SRR: variants seen among roughly 807,000 people sequenced by gnomAD.
SRR encodes the protein serine racemase, also known as D-serine ammonia-lyase.
SRR carries 19 observed loss-of-function variants against 32.7 expected under a neutral mutation model. That is an observed-to-expected ratio of 0.58 (90% CI 0.40 to 0.85). SRR has a LOEUF of 0.85. SRR is among the 40% of genes least tolerant of loss of function. The pLI is 0.00. For synonymous variants in SRR, 142 were observed against 140.9 expected, an observed-to-expected ratio of 1.01 and a Z score of -0.06; for missense variants, 373 against 404.7, an observed-to-expected ratio of 0.92 and a Z score of 0.67.
chr17:2,308,736 A>T (rs1189571175), intron 1 of SRR, among the ~76,000 whole-genome samples: 1 of 151,764 alleles, frequency 6.6e-6, no homozygotes, highest in African/African-American at 2.4e-5. Context: ...TAGGAGAATC[A>T]CTTGAACCCA....
chr17:2,303,487 C>T, upstream of SRR: 3 of 1,328,838 alleles, frequency 2.3e-6, no homozygotes, highest in Non-Finnish European at 2.9e-6. Context: ...GGTAGGGCAG[C>T]GAGGGTCCGC....
In SRR at chr17:2,311,980, C is replaced by T. The variant is rs144363045; in HGVS notation, c.-4-3577C>T. 2.8e-3 allele frequency among the ~76,000 whole-genome samples: 426 copies of T among 151,970 alleles called. 1 individual carries two copies. Among genetic ancestry groups the T allele is most frequent in the African/African-American group, 6.8e-3 (281 of 41,448 alleles). On this transcript the variant is annotated intron_variant, in intron 1 of 7. Coordinates refer to ENST00000344595, the MANE Select transcript of SRR (RefSeq NM_021947.3). ...ATCCCAGCACTTTGGAAGGCCAAGGCGGAAGGATCACTTGAGCTCAGGGGT... is the reference window on the plus strand; with the variant it reads ...ATCCCAGCACTTTGGAAGGCCAAGGTGGAAGGATCACTTGAGCTCAGGGGT...
At chr17:2,309,523 A>C (rs567165515) in intron 1 of SRR, among the ~76,000 whole-genome samples, 40 of 152,314 alleles carry the variant, frequency 2.6e-4, no homozygotes, top group African/African-American at 9.1e-4. Context: ...CACTGTCATT[A>C]ACAAGCCCTT....
In SRR at chr17:2,318,818, T is replaced by C. The variant is rs778577341; in HGVS notation, c.296-8T>C. 6 of 1,607,964 alleles carry C rather than the reference T, an allele frequency of 3.7e-6. No homozygotes were observed. The highest frequency in any genetic ancestry group is 5.1e-6 in the Non-Finnish European group (6 of 1,174,964). On this transcript the variant is annotated splice_region_variant and splice_polypyrimidine_tract_variant and intron_variant, in intron 3 of 7. Transcript: ENST00000344595. ...TCCTGACTTTTTCCTCTCGTTTTCCTCTCCCAGGAATTCCTGCTTATATTG... is the reference window on the plus strand; with the variant it reads ...TCCTGACTTTTTCCTCTCGTTTTCCCCTCCCAGGAATTCCTGCTTATATTG...
Position 2,323,259 on chromosome 17 carries a change from G to A in SRR, c.718G>A (p.Val240Ile). The A allele has an allele frequency of 1.9e-6, 3 of 1,614,196 alleles. No homozygotes were observed. The highest frequency in any genetic ancestry group is 1.7e-6 in the Non-Finnish European group (2 of 1,180,026). The change falls in exon 7 of 8, where the codon GTC becomes ATC. Residue 240 changes from valine to isoleucine, a missense_variant. Physicochemically the swap from Val to Ile is conservative, Grantham distance 29 (BLOSUM62 3). Coordinates refer to ENST00000344595, the MANE Select transcript of SRR (RefSeq NM_021947.3). ...TCCTCCAGAAACCATAGCAGATGGTGTCAAATCCAGCATTGGCTTGAACAC... is the reference window on the plus strand; with the variant it reads ...TCCTCCAGAAACCATAGCAGATGGTATCAAATCCAGCATTGGCTTGAACAC... ...LYPPETIADGVKSSIGLNTWP... is the reference protein window; with the variant it reads ...LYPPETIADGIKSSIGLNTWP...
chr17:2,314,750 T>C (rs574307067), intron 1 of SRR, among the ~76,000 whole-genome samples: 1 of 148,012 alleles, frequency 6.8e-6, no homozygotes, highest in African/African-American at 2.5e-5. Context: ...TGAAACACCA[T>C]CTCAAAAAAC....
Position 2,315,500 on chromosome 17 carries a change from C to T in SRR, c.-4-57C>T, listed in dbSNP as rs1388227122. On this transcript the variant is annotated intron_variant, in intron 1 of 7. Transcript: ENST00000344595. The stretch of plus-strand genomic sequence containing the variant: ...CTGTTACGTATTTTCAAAATCTCTT[C>T]AATAAACATACTGTCTCAGACTTTG... The T allele has an allele frequency of 1.4e-5, 21 of 1,518,830 alleles. No individual in the cohort carries two copies. The East Asian group carries it at 4.9e-4, about 35-fold the overall frequency. The allele number at this position is 1,518,830 out of a possible 1,614,324, so 94.1% of individuals were successfully genotyped here. A position where few individuals can be genotyped will look rare whatever the true frequency, so the allele number is the denominator to read the frequency against.
chr17:2,321,543 T>C lies in SRR; in HGVS notation c.521T>C (p.Val174Ala), dbSNP rs1166535156. Residue 174 changes from valine to alanine, a missense_variant and splice_region_variant, in exon 6 of 8, where the codon GTT (valine) becomes GCT (alanine). Transcript: ENST00000344595. ...GTIALEVLNQ[V>A]PLVDALVVPV... is the part of the protein sequence containing the mutation. ...TTACAGTTTATATTTTCACTAAAGGTTCCTTTGGTGGATGCACTGGTGGTA... is the reference window on the plus strand; with the variant it reads ...TTACAGTTTATATTTTCACTAAAGGCTCCTTTGGTGGATGCACTGGTGGTA... 1 of 1,613,852 alleles carries C rather than the reference T, an allele frequency of 6.2e-7. No individual in the cohort carries two copies.
At chr17:2,320,739 T>C (rs776878761) in intron 4 of SRR, among the ~76,000 whole-genome samples, 3 of 152,072 alleles carry the variant, frequency 2.0e-5, no homozygotes, top group Admixed American at 6.6e-5. Flanking sequence ...TTTTTGTATT[T>C]TTAGTAGAGA....
rs988278703 is a variant in SRR at position 2,323,089 on chromosome 17, C to G, written c.595-47C>G. ...CCATATTTTCTTTTAGACATGCAGG[C>G]AATGTTGTGGTTTGTTGTTAAGATG... On this transcript the variant is annotated intron_variant, in intron 6 of 7. Coordinates refer to ENST00000344595, the MANE Select transcript of SRR (RefSeq NM_021947.3). 4 of 1,576,924 alleles carry G rather than the reference C, an allele frequency of 2.5e-6. No individual in the cohort carries two copies. In the African/African-American group the frequency reaches 5.4e-5, roughly 21 times the overall value.
upstream of SRR, chr17:2,303,413 G>A (rs536391595): frequency 3.2e-6 from 4 of 1,256,484 alleles, no homozygotes; most frequent in East Asian, 9.5e-5. Context: ...CAGGAATTCG[G>A]GCCAGGCTCT....
chr17:2,324,653 A>C lies in SRR; in HGVS notation c.*780A>C. The C allele has an allele frequency of 4.3e-6, 7 of 1,614,054 alleles. No homozygotes were observed. The highest frequency in any genetic ancestry group is 5.9e-6 in the Non-Finnish European group (7 of 1,180,012). On this transcript the variant is annotated 3_prime_UTR_variant, in exon 8 of 8. Transcript: ENST00000344595. ...TGTAAACCCAACCTTTATACCACAA[A>C]GGCAATCAGATCCCATCCTCCTCCT... is the stretch of plus-strand genomic sequence containing the variant.
intron 2 of SRR, among the ~76,000 whole-genome samples, chr17:2,317,312 C>A (rs768475019): frequency 6.7e-6 from 1 of 149,996 alleles, no homozygotes; most frequent in African/African-American, 2.5e-5. Context: ...AAGATCGAGA[C>A]CATCCTGGCT....
Position 2,324,386 on chromosome 17 carries a change from T to C in SRR, c.*513T>C. 6.3e-7 allele frequency: 1 copy of C among 1,583,144 alleles called. No individual in the cohort carries two copies. Among genetic ancestry groups the C allele is most frequent in the Non-Finnish European group, 8.6e-7 (1 of 1,166,592 alleles). ...GTGGCCATGGGTACCTAGAAAGACA[T>C]CAGAACAAGTCGGTCAAATTAAAAG... On this transcript the variant is annotated 3_prime_UTR_variant, in exon 8 of 8. Transcript: ENST00000344595.
intron 2 of SRR, 21 bp downstream of exon 2, chr17:2,315,749 T>C (rs2075468297): frequency 6.2e-6 from 10 of 1,606,846 alleles, no homozygotes; most frequent in Non-Finnish European, 7.7e-6. Flanking sequence ...TTTTTCTCAG[T>C]GTATCATGTA....
intron 1 of SRR, among the ~76,000 whole-genome samples, chr17:2,304,740 A>G (rs977247769): frequency 6.6e-6 from 1 of 151,604 alleles, no homozygotes; most frequent in Non-Finnish European, 1.5e-5. Context: ...GGGAGTCTCC[A>G]ACAGAGCGAG....
chr17:2,325,126 C>T lies in SRR; in HGVS notation c.*1253C>T, dbSNP rs990330854. ...TGAGGACTGGCTATACACTGTTTCACGTAAAAGTTGGAGTTTTCATTGTTC... is the reference window on the plus strand; with the variant it reads ...TGAGGACTGGCTATACACTGTTTCATGTAAAAGTTGGAGTTTTCATTGTTC... On this transcript the variant is annotated 3_prime_UTR_variant, in exon 8 of 8. Coordinates refer to ENST00000344595, the MANE Select transcript of SRR (RefSeq NM_021947.3). 3 of 606,482 alleles carry T rather than the reference C, an allele frequency of 4.9e-6. No homozygotes were observed. The highest frequency in any genetic ancestry group is 8.4e-6 in the Non-Finnish European group (3 of 357,774). 37.6% of individuals were successfully genotyped at this position (606,482 alleles called of 1,614,324 possible). A position where few individuals can be genotyped will look rare whatever the true frequency, so the allele number is the denominator to read the frequency against.
In SRR at chr17:2,317,952, G is replaced by C; in HGVS notation, c.251G>C (p.Ser84Thr). ...RKPKAVVTHS[S>T]GNHGQALTYA... Reference sequence around the variant, plus strand: ...CCGAAAGCTGTTGTTACTCACAGCAGTGGAAACCATGGCCAGGCTCTCACC... The same window carrying C: ...CCGAAAGCTGTTGTTACTCACAGCACTGGAAACCATGGCCAGGCTCTCACC... The change falls in exon 3 of 8, where the codon AGT becomes ACT. Residue 84 changes from serine to threonine, a missense_variant. By Grantham distance (58) the Ser-to-Thr change is moderately conservative (BLOSUM62 1). Transcript: ENST00000344595. 6.2e-7 allele frequency: 1 copy of C among 1,614,022 alleles called. No homozygotes were observed. The highest frequency in any genetic ancestry group is 8.5e-7 in the Non-Finnish European group (1 of 1,179,960).
intron 1 of SRR, among the ~76,000 whole-genome samples, chr17:2,310,341 T>C (rs1169596457): frequency 6.6e-6 from 1 of 152,126 alleles, no homozygotes; most frequent in South Asian, 2.1e-4. Context: ...TACTGTTTAC[T>C]GTAGAATTAC....
Sources: allele counts gnomAD v4.1 joint callset (sites outside exome capture counted in the v4.1 genomes callset), GRCh38; gene constraint gnomAD v4.1.1; transcripts MANE v1.5; gene names NCBI Gene and HGNC (gene_info 2026-07-23, HGNC 2026-07-21).